Variants in CNTNAP2 observed in about 807,000 individuals in gnomAD.
The protein encoded by CNTNAP2 is contactin-associated protein-like 2.
CNTNAP2 carries 98 observed loss-of-function variants against 155.2 expected under a neutral mutation model. The observed-to-expected ratio is 0.63, with a 90% CI of 0.54 to 0.75. The LOEUF is 0.75. CNTNAP2 is among the 30% of genes least tolerant of loss of function. The probability of loss-of-function intolerance (pLI) is 0.00; values close to 1 mark genes in which losing one functional copy is unlikely to be tolerated. For missense variants in CNTNAP2, 1,727 were observed against 1,688.1 expected (o/e 1.02, Z -0.40); for synonymous variants, 651 against 631.2 (o/e 1.03, Z -0.47).
rs1366003907 is a variant in CNTNAP2, at chr7:147,043,958, C to T, written c.454C>T (p.His152Tyr). The change falls in exon 4 of 24, where the codon CAT becomes TAT. Residue 152 changes from histidine to tyrosine, a missense_variant. Coordinates refer to ENST00000361727, the MANE Select transcript of CNTNAP2 (RefSeq NM_014141.6). Reference sequence around the variant, plus strand: ...CGGTGTGGTCCGGCACGAATTACAGCATCCGATTATTGCCCGCTATGTGCG... The same window carrying T: ...CGGTGTGGTCCGGCACGAATTACAGTATCCGATTATTGCCCGCTATGTGCG... ...SDGVVRHELQ[H>Y]PIIARYVRIV... is the part of the protein sequence containing the mutation. 1.2e-6 allele frequency: 2 copies of T among 1,614,190 alleles called. No individual in the cohort carries two copies. Among genetic ancestry groups the T allele is most frequent in the Admixed American group, 1.7e-5 (1 of 60,034 alleles).
intron 1 of CNTNAP2, among the ~76,000 whole-genome samples, chr7:146,585,624 A>G (rs1798677122): frequency 6.6e-6 from 1 of 152,088 alleles, no homozygotes; most frequent in African/African-American, 2.4e-5. Context: ...ATTCAGAGTT[A>G]CCTATTAAAA....
In CNTNAP2 at chr7:147,128,616, C is replaced by T. The variant is rs185321863; in HGVS notation, c.940-77C>T. The T allele has an allele frequency of 5.8e-5, 90 of 1,540,840 alleles. 3 individuals carry two copies. In the African/African-American group the frequency reaches 8.3e-4, roughly 14 times the overall value. ...TTTGGTTGAGGTATAGATACTTGAC[C>T]TTCACTGTATTCATAGTTTTGTCTA... On this transcript the variant is annotated intron_variant, in intron 6 of 23. Coordinates refer to ENST00000361727, the MANE Select transcript of CNTNAP2 (RefSeq NM_014141.6).
intron 1 of CNTNAP2, among the ~76,000 whole-genome samples, chr7:146,760,932 C>A (rs925258106): frequency 2.0e-5 from 3 of 152,122 alleles, no homozygotes; most frequent in Non-Finnish European, 4.4e-5. Context: ...CATTTACTAA[C>A]CTGTGAAGTC....
At chr7:146,834,006 T>G (rs1803567114) in intron 2 of CNTNAP2, among the ~76,000 whole-genome samples, 1 of 152,192 alleles carries the variant, frequency 6.6e-6, no homozygotes, top group Admixed American at 6.5e-5. Flanking sequence ...GCCTGGAGTC[T>G]CCTTTTCAAT....
intron 3 of CNTNAP2, among the ~76,000 whole-genome samples, chr7:146,905,962 G>T (rs1022475850): frequency 6.6e-6 from 1 of 152,220 alleles, no homozygotes; most frequent in Admixed American, 6.5e-5. Flanking sequence ...TGCGCGAGCC[G>T]AAGCAGGGCG....
At chr7:148,205,488 T>C (rs1795435590) in intron 18 of CNTNAP2, among the ~76,000 whole-genome samples, 1 of 152,214 alleles carries the variant, frequency 6.6e-6, no homozygotes, top group African/African-American at 2.4e-5. Context: ...TATGTTGCAG[T>C]TTACTAAACC....
At chr7:147,040,201 T>C (rs1419891007) in intron 3 of CNTNAP2, among the ~76,000 whole-genome samples, 1 of 152,152 alleles carries the variant, frequency 6.6e-6, no homozygotes, top group Non-Finnish European at 1.5e-5. Context: ...GCTCACTATG[T>C]AGTTTAATAA....
chr7:146,716,286 C>T lies in CNTNAP2; in HGVS notation c.98-57985C>T, dbSNP rs550985234. ...TAAGCAGGACAAATTCTTAGGATTT[C>T]TGGTGCTAATTGAGTGACCTTATAC... is the stretch of plus-strand genomic sequence containing the variant. On this transcript the variant is annotated intron_variant, in intron 1 of 23. Transcript: ENST00000361727. Among the ~76,000 whole-genome samples, 105 of 150,092 alleles carry T rather than the reference C, an allele frequency of 7.0e-4. 1 individual carries two copies. The highest frequency in any genetic ancestry group is 2.2e-3 in the Admixed American group (33 of 15,040).
At chr7:147,534,899 C>A (rs982602843) in intron 11 of CNTNAP2, among the ~76,000 whole-genome samples, 1 of 151,940 alleles carries the variant, frequency 6.6e-6, no homozygotes, top group African/African-American at 2.4e-5. Context: ...AAGTATTTCC[C>A]CTCACTTGCA....
chr7:147,502,899 A>G (rs1410779168), intron 11 of CNTNAP2, among the ~76,000 whole-genome samples: 1 of 152,162 alleles, frequency 6.6e-6, no homozygotes, highest in Admixed American at 6.5e-5. Flanking sequence ...GGACATTTTG[A>G]GGCAAGGACT....
chr7:148,202,141 G>A (rs1004016122), intron 18 of CNTNAP2, among the ~76,000 whole-genome samples: 3 of 152,060 alleles, frequency 2.0e-5, no homozygotes, highest in Middle Eastern at 3.4e-3. Context: ...TATGTGGCAC[G>A]GCCCCTCCCT....
intron 13 of CNTNAP2, among the ~76,000 whole-genome samples, chr7:147,895,883 A>T (rs895510353): frequency 3.9e-5 from 6 of 152,262 alleles, no homozygotes; most frequent in Admixed American, 3.3e-4. Context: ...GCCAATGCTA[A>T]TAACAAAGTC....
At chr7:147,307,984 C>T (rs897872620) in intron 9 of CNTNAP2, among the ~76,000 whole-genome samples, 80 of 152,144 alleles carry the variant, frequency 5.3e-4, no homozygotes, top group Non-Finnish European at 2.1e-4. Context: ...AAACCAATAA[C>T]ATTGGTTAAA....
intron 14 of CNTNAP2, among the ~76,000 whole-genome samples, chr7:147,933,479 G>A (rs1158741791): frequency 6.8e-6 from 1 of 148,010 alleles, no homozygotes; most frequent in Non-Finnish European, 1.5e-5. Context: ...ATATATGAAT[G>A]GATACAGAAA....
chr7:147,968,540 G>A (rs577911894), intron 14 of CNTNAP2, among the ~76,000 whole-genome samples: 1 of 152,316 alleles, frequency 6.6e-6, no homozygotes, highest in South Asian at 2.1e-4. Context: ...CAAGAGTGAG[G>A]AGGGGTGTGA....
intron 13 of CNTNAP2, among the ~76,000 whole-genome samples, chr7:147,751,369 C>T (rs550947302): frequency 2.1e-4 from 29 of 139,206 alleles, no homozygotes; most frequent in African/African-American, 6.9e-4. Context: ...AGGTGGTTGA[C>T]GTGAATCTTC....
intron 12 of CNTNAP2, among the ~76,000 whole-genome samples, chr7:147,563,823 G>A (rs2116792927): frequency 6.6e-6 from 1 of 152,102 alleles, no homozygotes; most frequent in Middle Eastern, 3.4e-3. Context: ...TATGTGTGAA[G>A]TGGAAATCAG....
At chr7:146,997,164 G>A (rs1798327897) in intron 3 of CNTNAP2, among the ~76,000 whole-genome samples, 1 of 152,064 alleles carries the variant, frequency 6.6e-6, no homozygotes, top group South Asian at 2.1e-4. Context: ...CTAGATCTCA[G>A]GGGAAAAGAT....
At chr7:147,199,834 T>G (rs1802886514) in intron 8 of CNTNAP2, among the ~76,000 whole-genome samples, 1 of 119,020 alleles carries the variant, frequency 8.4e-6, no homozygotes, top group Non-Finnish European at 2.0e-5. Flanking sequence ...TCTTTTCTTT[T>G]GAAAAAAAAA....
Sources: gnomAD v4.1 joint callset for allele counts (sites outside exome capture counted in the v4.1 genomes callset) on GRCh38, gnomAD v4.1.1 for gene constraint, MANE v1.5 for transcripts, NCBI Gene and HGNC (gene_info 2026-07-23, HGNC 2026-07-21) for gene names.